KIAA0586: variants seen among roughly 807,000 people sequenced by gnomAD.
KIAA0586 encodes protein TALPID3.
Under a neutral mutation model 169.8 loss-of-function variants are expected in KIAA0586, and 144 were observed. The observed-to-expected ratio is 0.85, with a 90% CI of 0.74 to 0.97. The LOEUF (loss-of-function observed/expected upper bound fraction) is 0.97, where lower values mean the gene tolerates loss of function less well. Among genes scored for constraint, KIAA0586 ranks in the 50% least tolerant of loss-of-function variants. The pLI is 0.00. For missense variants in KIAA0586, 1,854 were observed against 1,823.0 expected (o/e 1.02, Z -0.31); for synonymous variants, 625 against 612.4 (o/e 1.02, Z -0.30).
chr14:58,472,221 A>T lies in KIAA0586; in HGVS notation c.2576A>T (p.Asp859Val). Residue 859 changes from aspartate (D) to valine (V), a missense_variant, in exon 18 of 31, where the codon GAT becomes GTT. Physicochemically the swap from Asp to Val is radical, Grantham distance 152. Coordinates refer to ENST00000652326, the MANE Select transcript of KIAA0586 (RefSeq NM_001329943.3). The part of the protein sequence containing the change: ...WIKTPEIMKV[D>V]EEEVKFPGTN... Reference sequence around the variant, plus strand: ...TAGACTCCAGAAATTATGAAGGTAGATGAAGAAGAGGTGAAGTTTCCAGGA... The same window carrying T: ...TAGACTCCAGAAATTATGAAGGTAGTTGAAGAAGAGGTGAAGTTTCCAGGA... The T allele has an allele frequency of 6.3e-7, 1 of 1,586,082 alleles. No individual in the cohort carries two copies. Among genetic ancestry groups the T allele is most frequent in the East Asian group, 2.3e-5 (1 of 43,380 alleles).
At chr14:58,538,631 A>G (rs1020157490) in intron 29 of KIAA0586, among the ~76,000 whole-genome samples, 1 of 150,914 alleles carries the variant, frequency 6.6e-6, no homozygotes, top group African/African-American at 2.4e-5. Context: ...TACTATAGTC[A>G]CCCTGTTGTG....
rs773772162 is a variant in KIAA0586 at position 58,488,044 on chromosome 14, T to C, written c.3462T>C (p.Asp1154=). 6.2e-7 allele frequency: 1 copy of C among 1,608,966 alleles called. No homozygotes were observed. Among genetic ancestry groups the C allele is most frequent in the South Asian group, 1.1e-5 (1 of 90,198 alleles). Residue 1154 remains aspartate, a synonymous_variant, in exon 23 of 31, where the codon GAT becomes GAC. Coordinates refer to ENST00000652326, the MANE Select transcript of KIAA0586 (RefSeq NM_001329943.3). ...CAGAGCTTCCCAAGCCATGGGGTGA[T>C]GGAGACCTGCCACTGGAAGAAGAGA... is the stretch of plus-strand genomic sequence containing the variant. ...SSPELPKPWG[D]GDLPLEEENP...
rs772604722 is a variant in KIAA0586, at chr14:58,547,739, A to G, written c.4496-42A>G. 4 of 1,570,682 alleles carry G rather than the reference A, an allele frequency of 2.5e-6. No individual in the cohort carries two copies. In the South Asian group the frequency reaches 3.4e-5, roughly 13 times the overall value. ...CAAAGCATAAAGCACGTAAATACTC[A>G]GGTTACGCATGTTGAGCTGAATGAG... On this transcript the variant is annotated intron_variant, in intron 30 of 30. Transcript: ENST00000652326.
chr14:58,514,213 A>T (rs992813900), intron 29 of KIAA0586, among the ~76,000 whole-genome samples: 2 of 151,758 alleles, frequency 1.3e-5, no homozygotes, highest in Non-Finnish European at 2.9e-5. Context: ...GGGTTTTATT[A>T]TTTTTTTTCT....
rs1308763926 is a variant in KIAA0586, at chr14:58,448,495, TAA to T, written c.961+6_961+7del. The T allele has an allele frequency of 6.3e-7, 1 of 1,592,182 alleles. No individual in the cohort carries two copies. Among genetic ancestry groups the T allele is most frequent in the East Asian group, 2.2e-5 (1 of 44,522 alleles). On this transcript the variant is annotated splice_donor_region_variant and intron_variant, in intron 7 of 30. Coordinates refer to ENST00000652326, the MANE Select transcript of KIAA0586 (RefSeq NM_001329943.3). The stretch of plus-strand genomic sequence containing the variant: ...ATAACACATTTGCTTCCAAACAAGG[TAA>T]AAATATGTAGTTCTCTATGAATAAA...
intron 28 of KIAA0586, among the ~76,000 whole-genome samples, chr14:58,509,389 A>C (rs2044224001): frequency 6.6e-6 from 1 of 152,206 alleles, no homozygotes; most frequent in Non-Finnish European, 1.5e-5. Flanking sequence ...TTTCATAAGA[A>C]ATGTATTGCA....
chr14:58,547,672 T>G, intron 30 of KIAA0586, 109 bp from the exon 31 acceptor site: 2 of 940,844 alleles, frequency 2.1e-6, no homozygotes, highest in Non-Finnish European at 3.2e-6. Flanking sequence ...GCAATCCTTA[T>G]TTGGAATCCG....
intron 8 of KIAA0586, 71 bp from the exon 9 acceptor site, chr14:58,453,279 T>G (rs2039552547): frequency 1.2e-6 from 1 of 834,658 alleles, no homozygotes; most frequent in Non-Finnish European, 1.7e-6. Context: ...AGAATACAAA[T>G]ATGTGAGATA....
intron 8 of KIAA0586, among the ~76,000 whole-genome samples, chr14:58,451,334 T>C (rs1277459000): frequency 6.6e-6 from 1 of 152,094 alleles, no homozygotes; most frequent in Non-Finnish European, 1.5e-5. Flanking sequence ...TCAGTTGATC[T>C]TCCCACTTCA....
intron 29 of KIAA0586, chr14:58,521,834 G>A (rs188332766): frequency 2.0e-5 from 18 of 880,772 alleles, no homozygotes; most frequent in East Asian, 9.7e-5. Context: ...AGGTGGAGTC[G>A]GAGCGGGGTG....
chr14:58,559,172 A>AT, the KIAA0586 span, among the ~76,000 whole-genome samples: 1 of 152,104 alleles, frequency 6.6e-6, no homozygotes, highest in South Asian at 2.1e-4. Flanking sequence ...GATTCCTTGG[A>AT]TTTTCACCCA....
intron 17 of KIAA0586, among the ~76,000 whole-genome samples, chr14:58,471,740 T>C (rs2041226747): frequency 6.6e-6 from 1 of 152,216 alleles, no homozygotes. Flanking sequence ...AAGAGGCTAT[T>C]GCATGACTAC....
At chr14:58,464,069 T>C (rs1381776128) in intron 14 of KIAA0586, 4 of 424,286 alleles carry the variant, frequency 9.4e-6, no homozygotes, top group African/African-American at 6.3e-5. Context: ...AGTAGTCACA[T>C]TGATGATCTG....
downstream of KIAA0586, among the ~76,000 whole-genome samples, chr14:58,553,761 A>G (rs1456982617): frequency 6.6e-6 from 1 of 152,232 alleles, no homozygotes; most frequent in Non-Finnish European, 1.5e-5. Context: ...GCTGTTGTCA[A>G]GAGGACCTGA....
chr14:58,493,539 A>G (rs1002911816), intron 26 of KIAA0586, among the ~76,000 whole-genome samples: 2 of 152,120 alleles, frequency 1.3e-5, no homozygotes, highest in African/African-American at 2.4e-5. Flanking sequence ...TCTGAAGACT[A>G]TATAGGGCCC....
At position 58,487,946 on chromosome 14, in the gene KIAA0586, C is replaced by T; in HGVS notation, c.3364C>T (p.Pro1122Ser). The change falls in exon 23 of 31, where the codon CCT becomes TCT. Residue 1122 changes from proline (P) to serine (S), a missense_variant. Pro to Ser is a moderately conservative substitution (Grantham distance 74). Transcript: ENST00000652326. ...TCCAACAGTTACCCCTACTACTACACCTCCTCCAGCGGCGGCAGTTTTTAC... is the reference window on the plus strand; with the variant it reads ...TCCAACAGTTACCCCTACTACTACATCTCCTCCAGCGGCGGCAGTTTTTAC... Reference protein sequence around the residue: ...NTPTVTPTTTPPPAAAVFTPT... With the variant: ...NTPTVTPTTTSPPAAAVFTPT... 6.2e-7 allele frequency: 1 copy of T among 1,613,724 alleles called. No individual in the cohort carries two copies. Among genetic ancestry groups the T allele is most frequent in the Non-Finnish European group, 8.5e-7 (1 of 1,179,802 alleles).
chr14:58,467,893 A>G lies in KIAA0586; in HGVS notation c.2413A>G (p.Lys805Glu). The G allele has an allele frequency of 1.9e-6, 3 of 1,613,640 alleles. No individual in the cohort carries two copies. The highest frequency in any genetic ancestry group is 2.5e-6 in the Non-Finnish European group (3 of 1,179,714). Residue 805 changes from lysine to glutamate, a missense_variant, in exon 16 of 31, where the codon AAA becomes GAA. Lys to Glu is a moderately conservative substitution (Grantham distance 56). Transcript: ENST00000652326. ...AGCCATTGTAGAAATGAAGTCAGAA[A>G]AAAAGGATCCTCCTCAGCTTACTGT... ...NIAIVEMKSE[K>E]KDPPQLTVQV...
intron 21 of KIAA0586, 74 bp from the exon 22 acceptor site, chr14:58,486,933 G>T: frequency 8.5e-7 from 1 of 1,176,778 alleles, no homozygotes; most frequent in Non-Finnish European, 1.2e-6. Flanking sequence ...GTCTATGAAT[G>T]AGTTCATATT....
intron 25 of KIAA0586, among the ~76,000 whole-genome samples, chr14:58,490,952 A>G (rs549046437): frequency 5.9e-5 from 9 of 152,254 alleles, no homozygotes; most frequent in Admixed American, 4.6e-4. Flanking sequence ...ATACTTCATT[A>G]AGAAGTTTTT....
Sources: allele counts gnomAD v4.1 joint callset (sites outside exome capture counted in the v4.1 genomes callset), GRCh38; gene constraint gnomAD v4.1.1; transcripts MANE v1.5; gene names NCBI Gene and HGNC (gene_info 2026-07-23, HGNC 2026-07-21).